PTGFRN: variants seen among roughly 807,000 people sequenced by gnomAD.
PTGFRN encodes the protein prostaglandin F2 receptor inhibitor.
A neutral mutation model predicts 83.2 loss-of-function variants in PTGFRN; 35 were observed. That is an observed-to-expected ratio of 0.42 (90% CI 0.32 to 0.56). The LOEUF (loss-of-function observed/expected upper bound fraction) is 0.56, where lower values mean the gene tolerates loss of function less well. Ranked by LOEUF, PTGFRN falls within the 20% of genes least tolerant of loss-of-function variation. The probability of loss-of-function intolerance (pLI) is 0.11; values close to 1 mark genes in which losing one functional copy is unlikely to be tolerated. For missense variants in PTGFRN, 1,051 were observed against 1,179.5 expected, an observed-to-expected ratio of 0.89 and a Z score of 1.60; for synonymous variants, 519 against 498.6, an observed-to-expected ratio of 1.04 and a Z score of -0.55.
At chr1:116,962,905 G>A (rs1650706376) in intron 5 of PTGFRN, among the ~76,000 whole-genome samples, 1 of 152,192 alleles carries the variant, frequency 6.6e-6, no homozygotes, top group South Asian at 2.1e-4. Context: ...CTGGAATGGT[G>A]TACATTATGA....
At chr1:116,983,062 A>T (rs1472092608) in intron 7 of PTGFRN, among the ~76,000 whole-genome samples, 1 of 152,168 alleles carries the variant, frequency 6.6e-6, no homozygotes, top group African/African-American at 2.4e-5. Context: ...ACCAACTTTT[A>T]TTGAGTACTT....
At chr1:116,978,899 A>G (rs1204222395) in intron 7 of PTGFRN, among the ~76,000 whole-genome samples, 1 of 152,076 alleles carries the variant, frequency 6.6e-6, no homozygotes, top group African/African-American at 2.4e-5. Context: ...AAAGAAATAA[A>G]GGGTATTCAA....
chr1:116,972,219 A>G lies in PTGFRN; in HGVS notation c.2060-1997A>G, dbSNP rs1487754537. Among the ~76,000 whole-genome samples, 4 of 152,148 alleles carry G rather than the reference A, an allele frequency of 2.6e-5. No individual in the cohort carries two copies. The East Asian group carries it at 7.7e-4, about 29-fold the overall frequency. On this transcript the variant is annotated intron_variant, in intron 6 of 8. Transcript: ENST00000393203. ...GTTAATTGAAGGGGATGATGTCCAG[A>G]AGTAGGTCAGGCTTCCTTGTCTTTG...
chr1:116,912,728 G>T (rs1649303734), intron 1 of PTGFRN, among the ~76,000 whole-genome samples: 1 of 152,186 alleles, frequency 6.6e-6, no homozygotes, highest in Admixed American at 6.5e-5. Context: ...TTTCCTCCAA[G>T]GAGATGTTGC....
chr1:116,960,825 C>G (rs558851720), intron 4 of PTGFRN, among the ~76,000 whole-genome samples: 54 of 152,272 alleles, frequency 3.5e-4, no homozygotes, highest in African/African-American at 1.2e-3. Context: ...TTTTCCGATA[C>G]TGTTCCAGTG....
chr1:116,910,114 G>A lies in PTGFRN; in HGVS notation c.-90G>A, dbSNP rs887184422. On this transcript the variant is annotated 5_prime_UTR_variant, in exon 1 of 9. Transcript: ENST00000393203. ...CGCGCGGCCCAGGCGGAGGAGCGCCGACTCTGGAGCAGCCGGAGCTGGAAG... is the reference window on the plus strand; with the variant it reads ...CGCGCGGCCCAGGCGGAGGAGCGCCAACTCTGGAGCAGCCGGAGCTGGAAG... The A allele has an allele frequency of 7.1e-6, 10 of 1,402,630 alleles. No homozygotes were observed. The highest frequency in any genetic ancestry group is 9.7e-6 in the Non-Finnish European group (10 of 1,035,392). 86.9% of individuals were successfully genotyped at this position (1,402,630 alleles called of 1,614,324 possible). A position where few individuals can be genotyped will look rare whatever the true frequency, so the allele number is the denominator to read the frequency against.
intron 1 of PTGFRN, among the ~76,000 whole-genome samples, chr1:116,930,854 A>G (rs1452867501): frequency 1.3e-5 from 2 of 151,996 alleles, no homozygotes; most frequent in Non-Finnish European, 2.9e-5. Flanking sequence ...TGCTTATGCT[A>G]CACCCCTTAT....
rs371208479 is a variant in PTGFRN at position 116,915,958 on chromosome 1, G to C, written c.49+5706G>C. Among the ~76,000 whole-genome samples, 22 of 152,250 alleles carry C rather than the reference G, an allele frequency of 1.4e-4. No homozygotes were observed. In the East Asian group the frequency reaches 1.5e-3, roughly 11 times the overall value. On this transcript the variant is annotated intron_variant, in intron 1 of 8. Coordinates refer to ENST00000393203, the MANE Select transcript of PTGFRN (RefSeq NM_020440.4). ...AGTTGGCACAGTCAGTGGTTTTTTC[G>C]ATCTTGGACTATTTCTCCCCACACC...
At chr1:116,914,439 C>A (rs1439176231) in intron 1 of PTGFRN, among the ~76,000 whole-genome samples, 1 of 152,130 alleles carries the variant, frequency 6.6e-6, no homozygotes, top group African/African-American at 2.4e-5. Context: ...GTGTTACTTA[C>A]AAAGGATATA....
At chr1:116,922,807 CT>C (rs1649570970) in intron 1 of PTGFRN, among the ~76,000 whole-genome samples, 1 of 152,182 alleles carries the variant, frequency 6.6e-6, no homozygotes, top group Non-Finnish European at 1.5e-5. Flanking sequence ...TTGGTGACCC[CT>C]CTTGAGGTTT....
At position 116,930,342 on chromosome 1, in the gene PTGFRN, A is replaced by G. The variant is rs72699114; in HGVS notation, c.50-11373A>G. On this transcript the variant is annotated intron_variant, in intron 1 of 8. Coordinates refer to ENST00000393203, the MANE Select transcript of PTGFRN (RefSeq NM_020440.4). ...CTTCTGCTCATGCCTTAAACATAGG[A>G]CTTTGCTGTGGTTTTGTCCCATTCC... Among the ~76,000 whole-genome samples, 1,442 of 152,070 alleles carry G rather than the reference A, an allele frequency of 9.5e-3. 18 individuals are homozygous for G. The highest frequency in any genetic ancestry group is 0.037 in the Middle Eastern group (11 of 294).
intron 1 of PTGFRN, among the ~76,000 whole-genome samples, chr1:116,927,941 G>A (rs2101055527): frequency 1.3e-5 from 2 of 152,280 alleles, no homozygotes; most frequent in South Asian, 4.1e-4. Context: ...TGTTTGATTT[G>A]GAGAACATGC....
intron 1 of PTGFRN, among the ~76,000 whole-genome samples, chr1:116,936,309 A>G (rs1649920510): frequency 6.6e-6 from 1 of 152,260 alleles, no homozygotes; most frequent in Admixed American, 6.5e-5. Flanking sequence ...TTCTGTTACC[A>G]AAATTTAAGA....
chr1:116,956,217 T>C (rs946408306), intron 4 of PTGFRN, among the ~76,000 whole-genome samples: 5 of 152,164 alleles, frequency 3.3e-5, no homozygotes, highest in Admixed American at 1.3e-4. Flanking sequence ...AACCTGCCCC[T>C]CGTAAGTTCA....
In PTGFRN at chr1:116,923,883, A is replaced by T. The variant is rs894782860; in HGVS notation, c.49+13631A>T. The stretch of plus-strand genomic sequence containing the variant: ...TTATTCTGGATCTGGGGGCACCTAA[A>T]AACATAGATCGACACAGTCCTTTGA... On this transcript the variant is annotated intron_variant, in intron 1 of 8. Coordinates refer to ENST00000393203, the MANE Select transcript of PTGFRN (RefSeq NM_020440.4). This position sits in a 1 kb window ranked among gnomAD's most constrained non-coding sequence, Gnocchi z 4.0. Among the ~76,000 whole-genome samples, 3 of 152,118 alleles carry T rather than the reference A, an allele frequency of 2.0e-5. No individual in the cohort carries two copies. Among genetic ancestry groups the T allele is most frequent in the African/African-American group, 7.2e-5 (3 of 41,418 alleles).
At chr1:116,969,182 T>C (rs77786465) in intron 6 of PTGFRN, among the ~76,000 whole-genome samples, 21,472 of 151,566 alleles carry the variant, frequency 0.14, 1,707 homozygotes, top group East Asian at 0.4. Flanking sequence ...CACTGCCTAA[T>C]CTAAGGCTGT....
chr1:116,974,312 C>T lies in PTGFRN; in HGVS notation c.2156C>T (p.Ala719Val). 6.2e-7 allele frequency: 1 copy of T among 1,606,238 alleles called. No homozygotes were observed. Among genetic ancestry groups the T allele is most frequent in the South Asian group, 1.1e-5 (1 of 90,828 alleles). ...LFCIITVEGA[A>V]LDPDDMAFDV... ...TGTATCATCACTGTCGAGGGAGCAG[C>T]ACTGGATCCAGGTACCTCACTCCAT... Residue 719 changes from alanine to valine, a missense_variant, in exon 7 of 9, where the codon GCA (alanine) becomes GTA (valine). This residue lies in a region of PTGFRN where 719 missense variants were observed against 836.6 expected (regional missense o/e 0.86). Coordinates refer to ENST00000393203, the MANE Select transcript of PTGFRN (RefSeq NM_020440.4).
Position 116,967,248 on chromosome 1 carries a change from C to T in PTGFRN, c.1977C>T (p.Ala659=). The change falls in exon 6 of 9, where the codon GCC becomes GCT. Residue 659 remains alanine, a synonymous_variant. Transcript: ENST00000393203. ...GGCTGTACCGCTGCATGGTGACAGC[C>T]TGGTCTCCTGTCAGGGGCAGCCTTT... The part of the protein sequence containing the change: ...DAGLYRCMVT[A]WSPVRGSLWR... 2 of 1,614,220 alleles carry T rather than the reference C, an allele frequency of 1.2e-6. No individual in the cohort carries two copies. The highest frequency in any genetic ancestry group is 1.7e-6 in the Non-Finnish European group (2 of 1,180,038).
intron 1 of PTGFRN, among the ~76,000 whole-genome samples, chr1:116,916,832 G>A (rs1391097973): frequency 6.6e-6 from 1 of 152,202 alleles, no homozygotes; most frequent in African/African-American, 2.4e-5. Flanking sequence ...GCATTGTTCT[G>A]AGGATTGCTG....
Sources: allele counts gnomAD v4.1 joint callset (sites outside exome capture counted in the v4.1 genomes callset), GRCh38; gene constraint gnomAD v4.1.1; regional missense constraint gnomAD v4.1.1; non-coding constraint Gnocchi (gnomAD v3.1); transcripts MANE v1.5; gene names NCBI Gene and HGNC (gene_info 2026-07-23, HGNC 2026-07-21).